SLC22A23: variants seen among roughly 807,000 people sequenced by gnomAD.
SLC22A23 encodes the protein solute carrier family 22 member 23, also known as ion transporter protein.
A neutral mutation model predicts 61.0 loss-of-function variants in SLC22A23; 26 were observed. The observed-to-expected ratio is 0.43, with a 90% confidence interval of 0.31 to 0.59. The LOEUF is 0.59. Ranked by LOEUF, SLC22A23 falls within the 20% of genes least tolerant of loss-of-function variation. The pLI, the probability that SLC22A23 is intolerant of heterozygous loss-of-function variation, is 0.11. For synonymous variants in SLC22A23, 430 were observed against 413.9 expected, an observed-to-expected ratio of 1.04 and a Z score of -0.47; for missense variants, 796 against 934.7, an observed-to-expected ratio of 0.85 and a Z score of 1.94.
intron 9 of SLC22A23, among the ~76,000 whole-genome samples, chr6:3,280,175 C>T (rs565413456): frequency 6.6e-6 from 1 of 152,320 alleles, no homozygotes; most frequent in Non-Finnish European, 1.5e-5. Flanking sequence ...CTGTGCTGAG[C>T]CCAGGCCCTT....
rs1188545083 is a variant in SLC22A23, at chr6:3,353,507, C to G, written c.914-29505G>C. On this transcript the variant is annotated intron_variant, in intron 3 of 9. Transcript: ENST00000406686. ...CTCATGCTGGGATTCACGATGTCAC[C>G]TGCTTGATTGAGGTGTTCATTATGC... Among the ~76,000 whole-genome samples, 6 of 152,294 alleles carry G rather than the reference C, an allele frequency of 3.9e-5. No individual in the cohort carries two copies. The East Asian group carries it at 1.2e-3, about 29-fold the overall frequency.
At chr6:3,396,442 G>A (rs953817725) in intron 3 of SLC22A23, among the ~76,000 whole-genome samples, 3 of 152,130 alleles carry the variant, frequency 2.0e-5, no homozygotes, top group African/African-American at 7.2e-5. Flanking sequence ...CCAGCTACTC[G>A]GGAGGCTGAG....
chr6:3,437,741 C>A (rs1474333458), intron 1 of SLC22A23, among the ~76,000 whole-genome samples: 10 of 119,340 alleles, frequency 8.4e-5, no homozygotes, highest in African/African-American at 2.9e-4. Context: ...CTGGAACTTA[C>A]TAGATTTTTT....
intron 3 of SLC22A23, among the ~76,000 whole-genome samples, chr6:3,345,149 C>T (rs1226996527): frequency 6.6e-6 from 1 of 152,108 alleles, no homozygotes; most frequent in Non-Finnish European, 1.5e-5. Context: ...TACTACATTC[C>T]CAAATTCAGT....
rs1772396146 is a variant in SLC22A23 at position 3,456,166 on chromosome 6, C to T, written c.394G>A (p.Gly132Ser). The change falls in exon 1 of 10, where the codon GGC becomes AGC. Residue 132 changes from glycine to serine, a missense_variant. Transcript: ENST00000406686. This position sits in a 1 kb window ranked among gnomAD's most constrained non-coding sequence, Gnocchi z 7.1. ...DQPNFWCRGA[G>S]KGTELAGVTT... ...ACCCCTGCCAGCTCGGTGCCTTTGC[C>T]GGCCCCGCGGCACCAGAAGTTGGGC... 2 of 1,551,238 alleles carry T rather than the reference C, an allele frequency of 1.3e-6. No individual in the cohort carries two copies. Among genetic ancestry groups the T allele is most frequent in the Non-Finnish European group, 1.7e-6 (2 of 1,146,854 alleles).
rs1211255974 is a variant in SLC22A23, at chr6:3,290,056, G to A, written c.1211-190C>T. The A allele has an allele frequency of 1.5e-5, 9 of 609,472 alleles. No individual in the cohort carries two copies. The East Asian group carries it at 2.5e-4, about 17-fold the overall frequency. The allele number at this position is 609,472 out of a possible 1,614,324, so 37.8% of individuals were successfully genotyped here. ...ATAGAAAGGCACTCATAAGACCCCA[G>A]CTTTGCAGTTCAGGTTTCGCTCGGG... On this transcript the variant is annotated intron_variant, in intron 5 of 9. Coordinates refer to ENST00000406686, the MANE Select transcript of SLC22A23 (RefSeq NM_015482.2).
intron 3 of SLC22A23, among the ~76,000 whole-genome samples, chr6:3,395,540 C>CCACAAAT (rs1450202865): frequency 6.6e-6 from 1 of 152,174 alleles, no homozygotes; most frequent in East Asian, 1.9e-4. Flanking sequence ...TAAAGTAATG[C>CCACAAAT]CACAAATCTA....
intron 3 of SLC22A23, among the ~76,000 whole-genome samples, chr6:3,334,460 G>A (rs531369210): frequency 1.8e-4 from 28 of 151,696 alleles, no homozygotes; most frequent in South Asian, 4.2e-4. Context: ...TGCGCCCAGC[G>A]TAGATGTTGG....
At position 3,372,427 on chromosome 6, in the gene SLC22A23, C is replaced by T. The variant is rs745883234; in HGVS notation, c.913+37761G>A. The stretch of plus-strand genomic sequence containing the variant: ...GGGATGGGCGTGGCTGCTGACAGCA[C>T]GTAAGGTGGACAGAGCAGGGCATGA... On this transcript the variant is annotated intron_variant, in intron 3 of 9. Coordinates refer to ENST00000406686, the MANE Select transcript of SLC22A23 (RefSeq NM_015482.2). The surrounding 1 kb of genome is among the most constrained non-coding windows in gnomAD (Gnocchi z 4.7). 2.6e-5 allele frequency among the ~76,000 whole-genome samples: 4 copies of T among 152,294 alleles called. No homozygotes were observed. The highest frequency in any genetic ancestry group is 1.9e-4 in the East Asian group (1 of 5,192).
At chr6:3,313,895 G>A (rs1762492962) in intron 4 of SLC22A23, among the ~76,000 whole-genome samples, 1 of 152,184 alleles carries the variant, frequency 6.6e-6, no homozygotes, top group Non-Finnish European at 1.5e-5. Flanking sequence ...TGGGCATGGT[G>A]GCGCATGCCT....
At chr6:3,394,380 G>A (rs1359501799) in intron 3 of SLC22A23, among the ~76,000 whole-genome samples, 7 of 152,188 alleles carry the variant, frequency 4.6e-5, no homozygotes, top group Admixed American at 4.6e-4. Flanking sequence ...AAGCCCAGGT[G>A]AAACACAAGA....
rs181646864 is a variant in SLC22A23 at position 3,454,140 on chromosome 6, A to T, written c.654+1766T>A. ...TTATTGTTCCCAGGTTTCCCCTCTC[A>T]GTCTGGCCCAGTAACTGCAACGTGT... On this transcript the variant is annotated intron_variant, in intron 1 of 9. Transcript: ENST00000406686. The surrounding 1 kb of genome is among the most constrained non-coding windows in gnomAD (Gnocchi z 4.3). Among the ~76,000 whole-genome samples, 281 of 152,280 alleles carry T rather than the reference A, an allele frequency of 1.8e-3. 2 individuals carry two copies. The highest frequency in any genetic ancestry group is 6.2e-3 in the African/African-American group (256 of 41,558).
At position 3,314,773 on chromosome 6, in the gene SLC22A23, G is replaced by A. The variant is rs1002480268; in HGVS notation, c.1082+9061C>T. 3.3e-5 allele frequency among the ~76,000 whole-genome samples: 5 copies of A among 152,000 alleles called. No individual in the cohort carries two copies. In the East Asian group the frequency reaches 5.8e-4, roughly 18 times the overall value. ...TTGTAGCATGTCTGTTTTTTTCTAAGGGTTTCTGCACGGCCAGCCTCTGGA... is the reference window on the plus strand; with the variant it reads ...TTGTAGCATGTCTGTTTTTTTCTAAAGGTTTCTGCACGGCCAGCCTCTGGA... On this transcript the variant is annotated intron_variant, in intron 4 of 9. Coordinates refer to ENST00000406686, the MANE Select transcript of SLC22A23 (RefSeq NM_015482.2).
intron 3 of SLC22A23, among the ~76,000 whole-genome samples, chr6:3,326,878 G>A (rs1383607318): frequency 6.6e-6 from 1 of 152,226 alleles, no homozygotes; most frequent in African/African-American, 2.4e-5. Context: ...TTAATCACAA[G>A]TTTCTCTGGA....
intron 3 of SLC22A23, among the ~76,000 whole-genome samples, chr6:3,350,371 G>C (rs1764693832): frequency 6.6e-6 from 1 of 152,164 alleles, no homozygotes; most frequent in Admixed American, 6.5e-5. Flanking sequence ...TCGTCCCTAA[G>C]AATGGACATT....
At position 3,387,877 on chromosome 6, in the gene SLC22A23, C is replaced by A. The variant is rs17249131; in HGVS notation, c.913+22311G>T. ...CAGGAAAGGAGAAGGCAGGCCGCAG[C>A]GAGGATGTCCTGGCAGCCCACGACA... On this transcript the variant is annotated intron_variant, in intron 3 of 9. Transcript: ENST00000406686. This position sits in a 1 kb window ranked among gnomAD's most constrained non-coding sequence, Gnocchi z 5.0. Among the ~76,000 whole-genome samples the A allele has an allele frequency of 1.3e-5, 2 of 152,182 alleles. No individual in the cohort carries two copies. The highest frequency in any genetic ancestry group is 2.1e-4 in the South Asian group (1 of 4,818).
intron 3 of SLC22A23, among the ~76,000 whole-genome samples, chr6:3,398,107 C>A (rs935477850): frequency 4.6e-5 from 7 of 152,152 alleles, no homozygotes; most frequent in African/African-American, 1.7e-4. Flanking sequence ...ACCCTGGGAG[C>A]CTTGCACACT....
intron 6 of SLC22A23, among the ~76,000 whole-genome samples, chr6:3,287,675 GT>G (rs11418179): frequency 2.0e-4 from 28 of 136,936 alleles, no homozygotes; most frequent in African/African-American, 6.3e-4. Flanking sequence ...ACAGGAAACT[GT>G]TTTTTTTTTT....
At position 3,328,585 on chromosome 6, in the gene SLC22A23, C is replaced by T. The variant is rs1458181413; in HGVS notation, c.914-4583G>A. 6.6e-6 allele frequency among the ~76,000 whole-genome samples: 1 copy of T among 151,968 alleles called. No individual in the cohort carries two copies. Among genetic ancestry groups the T allele is most frequent in the East Asian group, 1.9e-4 (1 of 5,172 alleles). On this transcript the variant is annotated intron_variant, in intron 3 of 9. Coordinates refer to ENST00000406686, the MANE Select transcript of SLC22A23 (RefSeq NM_015482.2). This position sits in a 1 kb window ranked among gnomAD's most constrained non-coding sequence, Gnocchi z 5.0. ...GCTTCTAGATAATTTGGGTGGGTCT[C>T]GCCTCATCTGTTGAAAGACCTGAAC...
Sources: allele counts gnomAD v4.1 joint callset (sites outside exome capture counted in the v4.1 genomes callset), GRCh38; gene constraint gnomAD v4.1.1; non-coding constraint Gnocchi (gnomAD v3.1); transcripts MANE v1.5; gene names NCBI Gene and HGNC (gene_info 2026-07-23, HGNC 2026-07-21).